The following SNTG1 variants were observed in gnomAD, a reference collection of about 807,000 sequenced individuals.
SNTG1 encodes syntrophin gamma 1.
SNTG1 carries 39 observed loss-of-function variants against 74.7 expected under a neutral mutation model. That is an observed-to-expected ratio of 0.52 (90% CI 0.40 to 0.68). The LOEUF (loss-of-function observed/expected upper bound fraction) is 0.68, where lower values mean the gene tolerates loss of function less well. Among genes scored for constraint, SNTG1 ranks in the 30% least tolerant of loss-of-function variants. The pLI is 0.00. For synonymous variants in SNTG1, 254 were observed against 217.1 expected, an observed-to-expected ratio of 1.17 and a Z score of -1.49; for missense variants, 685 against 609.5, an observed-to-expected ratio of 1.12 and a Z score of -1.30.
chr8:50,356,996 G>A (rs1429771389), intron 2 of SNTG1, among the ~76,000 whole-genome samples: 1 of 152,214 alleles, frequency 6.6e-6, no homozygotes, highest in East Asian at 1.9e-4. Context: ...TAACTGGAAG[G>A]GCTTCACACT....
rs188991616 is a variant in SNTG1, at chr8:50,043,071, C to T, written c.-102-129490C>T. On this transcript the variant is annotated intron_variant, in intron 1 of 18. Transcript: ENST00000642720. ...TTTATTTCCCTTCCTTTCTTCCCTT[C>T]CCTCTGTTATTTTCCTTCTACTCTG... 7.6e-4 allele frequency among the ~76,000 whole-genome samples: 116 copies of T among 152,280 alleles called. 1 individual carries two copies. Among genetic ancestry groups the T allele is most frequent in the Non-Finnish European group, 1.4e-3 (97 of 68,022 alleles).
Position 50,254,962 on chromosome 8 carries a change from T to C in SNTG1, c.-28+82327T>C, listed in dbSNP as rs1342997762. Reference sequence around the variant, plus strand: ...TTTTATTGCCACTTTTTTTTTTTTTTTTTTTTTTTTGCTCCAGACATTTTT... The same window carrying C: ...TTTTATTGCCACTTTTTTTTTTTTTCTTTTTTTTTTGCTCCAGACATTTTT... On this transcript the variant is annotated intron_variant, in intron 2 of 18. Coordinates refer to ENST00000642720, the MANE Select transcript of SNTG1 (RefSeq NM_018967.5). Among the ~76,000 whole-genome samples the C allele has an allele frequency of 2.2e-4, 33 of 149,386 alleles. No individual in the cohort carries two copies. The East Asian group carries it at 6.3e-3, about 29-fold the overall frequency.
At chr8:50,210,388 A>T (rs1444273353) in intron 2 of SNTG1, among the ~76,000 whole-genome samples, 2 of 152,180 alleles carry the variant, frequency 1.3e-5, no homozygotes, top group Non-Finnish European at 2.9e-5. Flanking sequence ...CTCCACAAAG[A>T]TATTCCTCGA....
intron 1 of SNTG1, among the ~76,000 whole-genome samples, chr8:49,963,474 T>G (rs935942553): frequency 6.6e-6 from 1 of 152,214 alleles, no homozygotes; most frequent in Non-Finnish European, 1.5e-5. Context: ...AGAACTTGGT[T>G]TATATTACTA....
rs77682784 is a variant in SNTG1 at position 50,544,080 on chromosome 8, G to C, written c.680+7272G>C. On this transcript the variant is annotated intron_variant, in intron 11 of 18. Coordinates refer to ENST00000642720, the MANE Select transcript of SNTG1 (RefSeq NM_018967.5). ...CTCAAATTCCTTTTTCTCAACACAC[G>C]AGTTTTTGTGCTGTTTTATTTCCTT... Among the ~76,000 whole-genome samples the C allele has an allele frequency of 7.1e-4, 108 of 152,048 alleles. 1 individual carries two copies. The highest frequency in any genetic ancestry group is 2.4e-3 in the African/African-American group (101 of 41,506).
At chr8:49,945,079 T>C (rs955465710) in intron 1 of SNTG1, among the ~76,000 whole-genome samples, 1 of 152,222 alleles carries the variant, frequency 6.6e-6, no homozygotes, top group Non-Finnish European at 1.5e-5. Flanking sequence ...CATTAAAATA[T>C]TAAGCGCCAT....
intron 2 of SNTG1, among the ~76,000 whole-genome samples, chr8:50,380,856 A>G (rs2131224183): frequency 6.6e-6 from 1 of 152,366 alleles, no homozygotes. Context: ...ATTTAATCAT[A>G]ATAGGCAAGA....
intron 2 of SNTG1, among the ~76,000 whole-genome samples, chr8:50,262,700 C>T (rs1002335331): frequency 1.8e-4 from 28 of 152,108 alleles, no homozygotes; most frequent in Non-Finnish European, 1.2e-4. Flanking sequence ...TGAGCCACCG[C>T]GCCCGGCCCG....
chr8:50,363,119 T>A (rs1183875877), intron 2 of SNTG1, among the ~76,000 whole-genome samples: 2 of 152,148 alleles, frequency 1.3e-5, no homozygotes, highest in Non-Finnish European at 2.9e-5. Flanking sequence ...TCAACCCCAG[T>A]GGTAAAGCCT....
chr8:50,675,892 G>T (rs981889015), intron 15 of SNTG1, among the ~76,000 whole-genome samples: 2 of 151,914 alleles, frequency 1.3e-5, no homozygotes, highest in African/African-American at 4.8e-5. Flanking sequence ...GTCTAGAAAG[G>T]ATTTTATTTC....
chr8:50,430,916 C>T (rs2093227578), intron 4 of SNTG1, among the ~76,000 whole-genome samples: 1 of 152,124 alleles, frequency 6.6e-6, no homozygotes, highest in Non-Finnish European at 1.5e-5. Context: ...GTCTTCACAC[C>T]ATACCCTGAT....
At chr8:50,272,397 C>T (rs890427518) in intron 2 of SNTG1, among the ~76,000 whole-genome samples, 2 of 152,132 alleles carry the variant, frequency 1.3e-5, no homozygotes, top group African/African-American at 4.8e-5. Context: ...TCTGTCTTTC[C>T]CTGGATCCTC....
intron 17 of SNTG1, among the ~76,000 whole-genome samples, chr8:50,747,165 G>A (rs561748293): frequency 6.6e-5 from 10 of 151,870 alleles, no homozygotes; most frequent in Middle Eastern, 3.4e-3. Flanking sequence ...TATTCTTGGA[G>A]CTACAAATCT....
At chr8:50,227,708 A>G (rs1212716183) in intron 2 of SNTG1, among the ~76,000 whole-genome samples, 1 of 151,814 alleles carries the variant, frequency 6.6e-6, no homozygotes, top group African/African-American at 2.4e-5. Flanking sequence ...CCCTGAAGAC[A>G]AGTCATCGGA....
intron 2 of SNTG1, among the ~76,000 whole-genome samples, chr8:50,272,893 T>A (rs1277717157): frequency 7.4e-6 from 1 of 134,650 alleles, no homozygotes; most frequent in African/African-American, 2.7e-5. Context: ...TGTGCCACCA[T>A]GCCTGGATAC....
chr8:50,790,004 G>C (rs1272690847), intron 18 of SNTG1, among the ~76,000 whole-genome samples: 2 of 151,890 alleles, frequency 1.3e-5, no homozygotes, highest in Middle Eastern at 3.4e-3. Context: ...TATAATTCTT[G>C]TGTCTGGAAT....
At chr8:50,091,647 C>CTGTG (rs369287883) in intron 1 of SNTG1, among the ~76,000 whole-genome samples, 3 of 151,514 alleles carry the variant, frequency 2.0e-5, no homozygotes, top group African/African-American at 7.3e-5. Context: ...TAATATTTCA[C>CTGTG]TGTGTGTGTG....
intron 8 of SNTG1, among the ~76,000 whole-genome samples, chr8:50,492,321 A>G (rs1274673005): frequency 6.6e-6 from 1 of 152,212 alleles, no homozygotes; most frequent in Non-Finnish European, 1.5e-5. Flanking sequence ...ACTGTCTTCC[A>G]CAATGGTTGA....
chr8:50,258,387 AC>A (rs576386680), intron 2 of SNTG1, among the ~76,000 whole-genome samples: 1 of 152,218 alleles, frequency 6.6e-6, no homozygotes, highest in Non-Finnish European at 1.5e-5. Flanking sequence ...TCAGAAAAGC[AC>A]TGTAAAACAT....
Sources: gnomAD v4.1 joint callset for allele counts (sites outside exome capture counted in the v4.1 genomes callset) on GRCh38, gnomAD v4.1.1 for gene constraint, MANE v1.5 for transcripts, NCBI Gene and HGNC (gene_info 2026-07-23, HGNC 2026-07-21) for gene names.